BTBD8: variants seen among roughly 807,000 people sequenced by gnomAD.
The protein encoded by BTBD8 is BTB/POZ domain-containing protein 8.
Under a neutral mutation model 162.9 loss-of-function variants are expected in BTBD8, and 110 were observed. The ratio of observed to expected loss-of-function variants is 0.68; its 90% CI spans 0.58 to 0.79. The LOEUF is 0.79. BTBD8 is among the 30% of genes least tolerant of loss of function. The probability of loss-of-function intolerance (pLI) is 0.00; values close to 1 mark genes in which losing one functional copy is unlikely to be tolerated. For synonymous variants in BTBD8, 667 were observed against 716.1 expected (o/e 0.93, Z 1.10); for missense variants, 1,905 against 2,085.4 (o/e 0.91, Z 1.68).
intron 9 of BTBD8, among the ~76,000 whole-genome samples, chr1:92,156,225 T>G (rs1650156167): frequency 6.6e-6 from 1 of 152,226 alleles, no homozygotes; most frequent in South Asian, 2.1e-4. Context: ...GTTGCATTAA[T>G]TGATTTACAT....
intron 11 of BTBD8, among the ~76,000 whole-genome samples, 160 bp from the exon 12 acceptor site, chr1:92,168,706 T>C (rs148913045): frequency 1.6e-4 from 24 of 152,310 alleles, no homozygotes; most frequent in African/African-American, 5.5e-4. Flanking sequence ...AATTTTGTTA[T>C]TAATAAGTCT....
chr1:92,086,446 C>T (rs140908355), intron 1 of BTBD8, among the ~76,000 whole-genome samples: 13 of 152,272 alleles, frequency 8.5e-5, no homozygotes, highest in African/African-American at 3.1e-4. Context: ...GCCAGGGGAA[C>T]ATGGCAAAAT....
chr1:92,093,255 T>G lies in BTBD8; in HGVS notation c.347+4360T>G, dbSNP rs113704681. 7.6e-3 allele frequency among the ~76,000 whole-genome samples: 1,109 copies of G among 145,570 alleles called. 11 individuals carry two copies. The highest frequency in any genetic ancestry group is 0.027 in the African/African-American group (1,046 of 39,358). On this transcript the variant is annotated intron_variant, in intron 2 of 17. Transcript: ENST00000636805. ...TTGCCTAGGTTGGAGTGCAATGGCA[T>G]GATTTCGGCTCACTGCAACCTTCAC...
chr1:92,090,259 C>G (rs1648262373), intron 2 of BTBD8, among the ~76,000 whole-genome samples: 1 of 151,188 alleles, frequency 6.6e-6, no homozygotes, highest in Non-Finnish European at 1.5e-5. Context: ...TTCCCACTAG[C>G]AATGTACAAG....
chr1:92,138,920 A>G (rs1408155633), intron 5 of BTBD8, among the ~76,000 whole-genome samples: 1 of 152,196 alleles, frequency 6.6e-6, no homozygotes, highest in Non-Finnish European at 1.5e-5. Context: ...AGCCACTGAC[A>G]GGTGTTACAA....
At chr1:92,180,207 T>G in intron 16 of BTBD8, 58 bp from the exon 17 acceptor site, 1 of 1,237,950 alleles carries the variant, frequency 8.1e-7, no homozygotes, top group Non-Finnish European at 1.1e-6. Flanking sequence ...TTACTAAATT[T>G]TACTCACAAA....
chr1:92,118,282 C>CTTTTTTTTTTTTTTTTTT (rs3040583), intron 4 of BTBD8, among the ~76,000 whole-genome samples: 2 of 122,314 alleles, frequency 1.6e-5, no homozygotes, highest in Non-Finnish European at 3.4e-5. Context: ...TTCAGACTTT[C>CTTTTTTTTTTTTTTTTTT]TTTTTTTTTT....
At chr1:92,179,353 T>C (rs1456917247) in intron 16 of BTBD8, among the ~76,000 whole-genome samples, 1 of 152,200 alleles carries the variant, frequency 6.6e-6, no homozygotes, top group African/African-American at 2.4e-5. Flanking sequence ...CCATTGTTTT[T>C]CAGTGTTCTG....
At chr1:92,131,486 G>T (rs1324892676) in intron 5 of BTBD8, among the ~76,000 whole-genome samples, 1 of 152,168 alleles carries the variant, frequency 6.6e-6, no homozygotes, top group East Asian at 1.9e-4. Context: ...CATTTCAGGA[G>T]GCCAGGGCGA....
intron 9 of BTBD8, among the ~76,000 whole-genome samples, chr1:92,165,552 CATGTTAGGT>C (rs1239124736): frequency 1.3e-5 from 2 of 151,888 alleles, no homozygotes; most frequent in African/African-American, 4.8e-5. Context: ...TCATGCTGTC[CATGTTAGGT>C]ATTTCAGTCA....
intron 5 of BTBD8, among the ~76,000 whole-genome samples, chr1:92,130,460 CCAT>C (rs1388581696): frequency 6.7e-6 from 1 of 150,186 alleles, no homozygotes; most frequent in African/African-American, 2.5e-5. Flanking sequence ...CTGCAGTGGG[CCAT>C]GATTATACCA....
intron 2 of BTBD8, among the ~76,000 whole-genome samples, chr1:92,093,857 T>C (rs1409281996): frequency 6.6e-6 from 1 of 152,234 alleles, no homozygotes; most frequent in Non-Finnish European, 1.5e-5. Flanking sequence ...TATGAAATTA[T>C]ACATTTCTTC....
chr1:92,129,840 A>C, intron 5 of BTBD8, 64 bp downstream of exon 5: 1 of 1,327,006 alleles, frequency 7.5e-7, no homozygotes, highest in Non-Finnish European at 1.1e-6. Context: ...CATACAAAGC[A>C]CTTTTTATGA....
At chr1:92,120,026 G>C (rs933852642) in intron 4 of BTBD8, among the ~76,000 whole-genome samples, 2 of 149,242 alleles carry the variant, frequency 1.3e-5, no homozygotes, top group Admixed American at 6.8e-5. Context: ...TCAGCCTCTC[G>C]AGTAGCTGGG....
In BTBD8 at chr1:92,184,322, C is replaced by A. The variant is rs1316588659; in HGVS notation, c.5371C>A (p.Gln1791Lys). The A allele has an allele frequency of 2.6e-6, 4 of 1,546,550 alleles. No individual in the cohort carries two copies. The highest frequency in any genetic ancestry group is 2.4e-5 in the South Asian group (2 of 83,252). The change falls in exon 18 of 18, where the codon CAG (glutamine) becomes AAG (lysine). Residue 1791 changes from glutamine to lysine, a missense_variant. By Grantham distance (53) the Gln-to-Lys change is moderately conservative. Around this residue, in one of 3 missense-constraint regions of BTBD8, gnomAD observed 517 missense variants for 606.6 expected, o/e 0.85. Coordinates refer to ENST00000636805, the MANE Select transcript of BTBD8 (RefSeq NM_001376131.1). Reference protein sequence around the residue: ...GEWTILELETQH With the variant: ...GEWTILELETKH The stretch of plus-strand genomic sequence containing the variant: ...GTGGACAATTCTGGAACTGGAAACT[C>A]AGCATTAAGTGTTAACATTTTGGAA...
At chr1:92,173,099 A>G (rs1650599621) in intron 13 of BTBD8, among the ~76,000 whole-genome samples, 1 of 151,942 alleles carries the variant, frequency 6.6e-6, no homozygotes. Context: ...CTAATTTTGT[A>G]TTTTTAGTAG....
At chr1:92,093,673 G>A (rs2101896662) in intron 2 of BTBD8, among the ~76,000 whole-genome samples, 1 of 152,292 alleles carries the variant, frequency 6.6e-6, no homozygotes, top group East Asian at 1.9e-4. Flanking sequence ...GGTGTTGTGA[G>A]GGTTAAATGT....
At chr1:92,124,707 TAGTA>T (rs1649305752) in intron 4 of BTBD8, among the ~76,000 whole-genome samples, 2 of 152,236 alleles carry the variant, frequency 1.3e-5, no homozygotes, top group Non-Finnish European at 2.9e-5. Context: ...TAGAGCAACA[TAGTA>T]AGACTCTGTC....
At chr1:92,122,341 C>T (rs541173646) in intron 4 of BTBD8, among the ~76,000 whole-genome samples, 3 of 152,002 alleles carry the variant, frequency 2.0e-5, no homozygotes, top group East Asian at 1.9e-4. Context: ...TCACTGCAAC[C>T]TCCGCTTCCC....
Sources: gnomAD v4.1 joint callset for allele counts (sites outside exome capture counted in the v4.1 genomes callset) on GRCh38, gnomAD v4.1.1 for gene constraint, gnomAD v4.1.1 regional missense constraint, MANE v1.5 for transcripts, NCBI Gene and HGNC (gene_info 2026-07-23, HGNC 2026-07-21) for gene names.